COPE: variants seen among roughly 807,000 people sequenced by gnomAD.
COPE encodes the protein coatomer subunit epsilon.
A neutral mutation model predicts 42.1 loss-of-function variants in COPE; 19 were observed. The ratio of observed to expected loss-of-function variants is 0.45; its 90% confidence interval spans 0.31 to 0.66. The LOEUF is 0.66. Ranked by LOEUF, COPE falls within the 30% of genes least tolerant of loss-of-function variation. COPE has a pLI of 0.05. For synonymous variants in COPE, 195 were observed against 181.3 expected (o/e 1.08, Z -0.60); for missense variants, 402 against 416.1 (o/e 0.97, Z 0.30).
chr19:18,903,268 C>G lies in COPE; in HGVS notation c.735G>C (p.Lys245Asn), dbSNP rs1478743763. ...CACTCTGGGACAGGCTTGTGCCTAC[C>G]TTGTCTAGCGCCTCCTGCAGCAGGC... Reference protein sequence around the residue: ...AEGLLQEALDKDSGYPETLVN... With the variant: ...AEGLLQEALDNDSGYPETLVN... Residue 245 changes from lysine (K) to asparagine (N), a missense_variant and splice_region_variant, in exon 7 of 10, where the codon AAG becomes AAC. By Grantham distance (94) the Lys-to-Asn change is moderately conservative. Coordinates refer to ENST00000262812, the MANE Select transcript of COPE (RefSeq NM_007263.4). 2.5e-6 allele frequency: 4 copies of G among 1,585,814 alleles called. No homozygotes were observed. The highest frequency in any genetic ancestry group is 3.4e-6 in the Non-Finnish European group (4 of 1,166,242).
At chr19:18,902,648 G>C (rs887742360) in intron 7 of COPE, among the ~76,000 whole-genome samples, 4 of 111,052 alleles carry the variant, frequency 3.6e-5, no homozygotes, top group Non-Finnish European at 6.7e-5. Flanking sequence ...CTGGGTGACA[G>C]AGTGAGACTC....
In COPE at chr19:18,899,552, G is replaced by A. The variant is rs534794917; in HGVS notation, c.*127C>T. 2.2e-5 allele frequency: 19 copies of A among 852,374 alleles called. No homozygotes were observed. The African/African-American group carries it at 3.0e-4, about 13-fold the overall frequency. 52.8% of individuals were successfully genotyped at this position (852,374 alleles called of 1,614,324 possible). On this transcript the variant is annotated 3_prime_UTR_variant, in exon 10 of 10. Coordinates refer to ENST00000262812, the MANE Select transcript of COPE (RefSeq NM_007263.4). ...CCTGGAGTTGAGATATTTATTAACA[G>A]ATGGGGGTGCTGGGGGTGGGCTCCT...
intron 4 of COPE, chr19:18,905,840 T>C (rs746618385): frequency 1.4e-5 from 8 of 563,720 alleles, no homozygotes; most frequent in South Asian, 7.0e-5. Context: ...GTACCCAGGA[T>C]GGGGTTTCAG....
In COPE at chr19:18,913,003, T is replaced by C. The variant is rs140598767; in HGVS notation, c.170A>G (p.Tyr57Cys). The C allele has an allele frequency of 1.4e-5, 22 of 1,612,072 alleles. No individual in the cohort carries two copies. The African/African-American group carries it at 1.5e-4, about 11-fold the overall frequency. Residue 57 changes from tyrosine to cysteine, a missense_variant, in exon 2 of 10, where the codon TAT becomes TGT. Tyr to Cys is a radical substitution (Grantham distance 194). Transcript: ENST00000262812. ...ERDVERDVFL[Y>C]RAYLAQRKFG... Reference sequence around the variant, plus strand: ...ACTCACCTGCGCCAGGTACGCTCTATACAGGAAGACGTCCCTCTCCACGTC... The same window carrying C: ...ACTCACCTGCGCCAGGTACGCTCTACACAGGAAGACGTCCCTCTCCACGTC...
At chr19:18,914,860 G>A (rs1011620220) in intron 1 of COPE, among the ~76,000 whole-genome samples, 1 of 149,446 alleles carries the variant, frequency 6.7e-6, no homozygotes, top group African/African-American at 2.5e-5. Context: ...GGGTTCAAGA[G>A]ATTTTTCTGC....
At chr19:18,907,170 G>C in intron 3 of COPE, 58 bp from the exon 4 acceptor site, 1 of 1,567,704 alleles carries the variant, frequency 6.4e-7, no homozygotes, top group Non-Finnish European at 8.6e-7. Flanking sequence ...GGACCTCAGA[G>C]GGTCCCCTTC....
At chr19:18,912,349 C>T (rs1049503694) in intron 2 of COPE, among the ~76,000 whole-genome samples, 1 of 151,778 alleles carries the variant, frequency 6.6e-6, no homozygotes, top group Non-Finnish European at 1.5e-5. Context: ...GGGGGTCTCA[C>T]TATGTTGCCC....
rs374711082 is a variant in COPE at position 18,905,686 on chromosome 19, G to A, written c.444-57C>T. On this transcript the variant is annotated intron_variant, in intron 4 of 9. Coordinates refer to ENST00000262812, the MANE Select transcript of COPE (RefSeq NM_007263.4). ...GTCGCCACAGACACATTGCATGGCC[G>A]CTCCACACCCAGGGCTCACTGTGTG... The A allele has an allele frequency of 2.1e-4, 314 of 1,525,258 alleles. 1 individual carries two copies. The highest frequency in any genetic ancestry group is 2.6e-4 in the Non-Finnish European group (291 of 1,128,792). 94.5% of individuals were successfully genotyped at this position (1,525,258 alleles called of 1,614,324 possible). A position where few individuals can be genotyped will look rare whatever the true frequency, so the allele number is the denominator to read the frequency against.
At position 18,905,643 on chromosome 19, in the gene COPE, C is replaced by T. The variant is rs760279105; in HGVS notation, c.444-14G>A. The T allele has an allele frequency of 1.9e-5, 30 of 1,588,138 alleles. No homozygotes were observed. The highest frequency in any genetic ancestry group is 4.5e-5 in the East Asian group (2 of 44,314). On this transcript the variant is annotated splice_polypyrimidine_tract_variant and intron_variant, in intron 4 of 9. Transcript: ENST00000262812. ...GTCATGGCTGTGCTGCAGGACAGGG[C>T]GAGGGGGCGGTCAGCGGGTCGCCAC...
At chr19:18,908,758 C>T (rs1316929062) in intron 3 of COPE, among the ~76,000 whole-genome samples, 2 of 151,826 alleles carry the variant, frequency 1.3e-5, no homozygotes, top group Non-Finnish European at 2.9e-5. Flanking sequence ...ACCTCGTGAT[C>T]CGCCCGCCTC....
chr19:18,919,344 G>T lies in COPE; in HGVS notation c.5C>A (p.Ala2Glu), dbSNP rs1048318682. M[A>E]PPAPGPASGG... is the part of the protein sequence containing the mutation. ...GGAGGCCGGGCCGGGGGCCGGAGGC[G>T]CCATTTCGCTGTCTTCTCACCAGCT... The change falls in exon 1 of 10, where the codon GCG becomes GAG. Residue 2 changes from alanine to glutamate, a missense_variant. By Grantham distance (107) the Ala-to-Glu change is moderately radical. Coordinates refer to ENST00000262812, the MANE Select transcript of COPE (RefSeq NM_007263.4). The T allele has an allele frequency of 6.2e-7, 1 of 1,613,566 alleles. No homozygotes were observed. The highest frequency in any genetic ancestry group is 1.3e-5 in the African/African-American group (1 of 75,076).
chr19:18,900,937 T>C (rs2056692914), intron 7 of COPE, among the ~76,000 whole-genome samples: 1 of 152,158 alleles, frequency 6.6e-6, no homozygotes, highest in African/African-American at 2.4e-5. Context: ...AGAGCCCTGG[T>C]GTCTGCTTGG....
chr19:18,915,631 G>C (rs1347254599), intron 1 of COPE, among the ~76,000 whole-genome samples: 1 of 152,232 alleles, frequency 6.6e-6, no homozygotes, highest in African/African-American at 2.4e-5. Flanking sequence ...GATGGCCCCA[G>C]CACTGGCCCC....
chr19:18,906,554 C>A (rs2056760926), intron 4 of COPE: 2 of 177,498 alleles, frequency 1.1e-5, no homozygotes, highest in African/African-American at 2.4e-5. Flanking sequence ...GGGGCACCAA[C>A]CTTGCAGGGC....
At chr19:18,903,064 A>C (rs897727014) in intron 7 of COPE, among the ~76,000 whole-genome samples, 11 of 151,978 alleles carry the variant, frequency 7.2e-5, no homozygotes, top group Non-Finnish European at 1.5e-5. Context: ...CAGATGCCCC[A>C]TTTCTGTGAG....
chr19:18,918,557 C>T (rs115662619), intron 1 of COPE, among the ~76,000 whole-genome samples: 2,010 of 152,210 alleles, frequency 0.013, 49 homozygotes, highest in African/African-American at 0.046. Context: ...CCTGTCTCAG[C>T]CTCCCGGTAG....
rs552352746 is a variant in COPE, at chr19:18,905,755, C to T, written c.444-126G>A. 6.9e-5 allele frequency: 64 copies of T among 924,998 alleles called. 1 individual carries two copies. The highest frequency in any genetic ancestry group is 6.6e-4 in the African/African-American group (39 of 58,778). The allele number at this position is 924,998 out of a possible 1,614,324, so 57.3% of individuals were successfully genotyped here. A position where few individuals can be genotyped will look rare whatever the true frequency, so the allele number is the denominator to read the frequency against. Reference sequence around the variant, plus strand: ...GTCCTGTGCTTAGGACCACCAGCCCCGCCCAGCAGAGGAGGACACCCTCAC... The same window carrying T: ...GTCCTGTGCTTAGGACCACCAGCCCTGCCCAGCAGAGGAGGACACCCTCAC... On this transcript the variant is annotated intron_variant, in intron 4 of 9. Coordinates refer to ENST00000262812, the MANE Select transcript of COPE (RefSeq NM_007263.4).
At chr19:18,900,009 G>A in intron 8 of COPE, 62 bp from the exon 9 acceptor site, 1 of 1,466,668 alleles carries the variant, frequency 6.8e-7, no homozygotes, top group Non-Finnish European at 9.4e-7. Flanking sequence ...GCTCTGACCT[G>A]CTGGACAGGG....
intron 7 of COPE, among the ~76,000 whole-genome samples, chr19:18,901,466 C>T (rs1395206948): frequency 6.6e-6 from 1 of 152,214 alleles, no homozygotes; most frequent in Non-Finnish European, 1.5e-5. Flanking sequence ...GCCCTGACTG[C>T]TCAGAGCTAA....
Sources: gnomAD v4.1 joint callset for allele counts (sites outside exome capture counted in the v4.1 genomes callset) on GRCh38, gnomAD v4.1.1 for gene constraint, MANE v1.5 for transcripts, NCBI Gene and HGNC (gene_info 2026-07-23, HGNC 2026-07-21) for gene names.